The following MMP11 variants were observed in gnomAD, a reference collection of about 807,000 sequenced individuals.
MMP11 encodes stromelysin-3.
In MMP11, 26 loss-of-function variants were observed where a neutral mutation model predicts 49.5. The ratio of observed to expected loss-of-function variants is 0.52; its 90% confidence interval spans 0.38 to 0.73. The LOEUF (loss-of-function observed/expected upper bound fraction) is 0.73. Among genes scored for constraint, MMP11 ranks in the 30% least tolerant of loss-of-function variants. The pLI is 0.00. For missense variants in MMP11, 624 were observed against 671.2 expected (o/e 0.93, Z 0.78); for synonymous variants, 265 against 282.3 (o/e 0.94, Z 0.62).
rs760730678 is a variant in MMP11 at position 23,782,244 on chromosome 22, A to G, written c.1094A>G (p.Tyr365Cys). Residue 365 changes from tyrosine (Y) to cysteine (C), a missense_variant, in exon 7 of 8, where the codon TAC becomes TGC. Coordinates refer to ENST00000215743, the MANE Select transcript of MMP11 (RefSeq NM_005940.5). ...WFFQGAQYWV[Y>C]DGEKPVLGPA... is the part of the protein sequence containing the mutation. The stretch of plus-strand genomic sequence containing the variant: ...CCGGCAGGTGCTCAGTACTGGGTGT[A>G]CGACGGTGAAAAGCCAGTCCTGGGC... 6.2e-7 allele frequency: 1 copy of G among 1,613,168 alleles called. No homozygotes were observed. Among genetic ancestry groups the G allele is most frequent in the African/African-American group, 1.3e-5 (1 of 74,854 alleles).
In MMP11 at chr22:23,781,947, C is replaced by CTGTGA. The variant is rs1457586554; in HGVS notation, c.1076-279_1076-278insTGTGA. On this transcript the variant is annotated intron_variant, in intron 6 of 7. Transcript: ENST00000215743. ...AGTGGTCAGTAGGCATTTGTCACAG[C>CTGTGA]CAAATGCCAGTGGAAGGAGCAGCCG... 19 of 675,186 alleles carry CTGTGA rather than the reference C, an allele frequency of 2.8e-5. No homozygotes were observed. The African/African-American group carries it at 3.2e-4, about 11-fold the overall frequency. The allele number at this position is 675,186 out of a possible 1,614,324, so 41.8% of individuals were successfully genotyped here.
At chr22:23,777,558 C>T (rs5996611) in intron 1 of MMP11, 4 of 122,238 alleles carry the variant, frequency 3.3e-5, no homozygotes, top group African/African-American at 1.3e-4. Flanking sequence ...TAGAGCGAGA[C>T]TCTCTCTCAA....
intron 1 of MMP11, among the ~76,000 whole-genome samples, chr22:23,777,115 C>G (rs1217309435): frequency 7.2e-6 from 1 of 139,420 alleles, no homozygotes; most frequent in Non-Finnish European, 1.6e-5. Flanking sequence ...CCAACCAGTG[C>G]TAAGTACTTA....
intron 2 of MMP11, 57 bp downstream of exon 2, chr22:23,779,473 G>C (rs1345200371): frequency 6.9e-7 from 1 of 1,449,090 alleles, no homozygotes; most frequent in Non-Finnish European, 9.5e-7. Flanking sequence ...GGGTAAGCCA[G>C]CTGCCCTCAC....
Position 23,772,959 on chromosome 22 carries a change from T to C in MMP11, c.89T>C (p.Leu30Pro). ...CTGCTGCTCCAGCCGCCGCCGCTGC[T>C]GGCCCGGGCTCTGCCGCCGGTGAGT... ...LLLLLQPPPL[L>P]ARALPPDAHH... Residue 30 changes from leucine (L) to proline (P), a missense_variant, in exon 1 of 8, where the codon CTG becomes CCG. Physicochemically the swap from Leu to Pro is moderately conservative, Grantham distance 98. Coordinates refer to ENST00000215743, the MANE Select transcript of MMP11 (RefSeq NM_005940.5). 1 of 1,210,554 alleles carries C rather than the reference T, an allele frequency of 8.3e-7. No homozygotes were observed. Among genetic ancestry groups the C allele is most frequent in the South Asian group, 3.1e-5 (1 of 31,946 alleles). 75.0% of individuals were successfully genotyped at this position (1,210,554 alleles called of 1,614,324 possible). A position where few individuals can be genotyped will look rare whatever the true frequency, so the allele number is the denominator to read the frequency against.
chr22:23,780,758 T>A lies in MMP11; in HGVS notation c.616+43T>A. On this transcript the variant is annotated intron_variant, in intron 4 of 7. Coordinates refer to ENST00000215743, the MANE Select transcript of MMP11 (RefSeq NM_005940.5). The surrounding 1 kb of genome is among the most constrained non-coding windows in gnomAD (Gnocchi z 4.6). ...ATTTTCCAGATGGGGCAACCGAAGA[T>A]CATAAAGAATGGGGACTCGCCAAGG... is the stretch of plus-strand genomic sequence containing the variant. 6.4e-7 allele frequency: 1 copy of A among 1,552,048 alleles called. No homozygotes were observed. The highest frequency in any genetic ancestry group is 8.7e-7 in the Non-Finnish European group (1 of 1,150,522).
At position 23,781,355 on chromosome 22, in the gene MMP11, A is replaced by G. The variant is rs1927626897; in HGVS notation, c.1021A>G (p.Ser341Gly). ...LASRHWQGLP[S>G]PVDAAFEDAQ... ...CTCTCGCCACTGGCAGGGACTGCCC[A>G]GCCCTGTGGACGCTGCCTTCGAGGA... is the stretch of plus-strand genomic sequence containing the variant. Residue 341 changes from serine to glycine, a missense_variant, in exon 6 of 8, where the codon AGC (serine) becomes GGC (glycine). By Grantham distance (56) the Ser-to-Gly change is moderately conservative (BLOSUM62 0). Transcript: ENST00000215743. 1.2e-6 allele frequency: 2 copies of G among 1,613,420 alleles called. No individual in the cohort carries two copies. Among genetic ancestry groups the G allele is most frequent in the Non-Finnish European group, 1.7e-6 (2 of 1,179,822 alleles).
In MMP11 at chr22:23,781,072, T is replaced by A. The variant is rs549517440; in HGVS notation, c.830T>A (p.Ile277Lys). The A allele has an allele frequency of 4.3e-6, 7 of 1,609,484 alleles. No homozygotes were observed. In the South Asian group the frequency reaches 5.5e-5, roughly 13 times the overall value. ...RTPALGPQAG[I>K]DTNEIAPLEP... ...CCAGCCCTGGGCCCCCAGGCTGGGA[T>A]AGACACCAATGAGATTGCACCGCTG... Residue 277 changes from isoleucine to lysine, a missense_variant, in exon 5 of 8, where the codon ATA (isoleucine) becomes AAA (lysine). Transcript: ENST00000215743.
intron 7 of MMP11, among the ~76,000 whole-genome samples, chr22:23,782,961 C>T (rs2145944466): frequency 6.6e-6 from 1 of 152,300 alleles, no homozygotes; most frequent in East Asian, 1.9e-4. Context: ...GTCCAGTGCT[C>T]CCTCCCCTGC....
chr22:23,775,171 A>G (rs1281440801), intron 1 of MMP11, among the ~76,000 whole-genome samples: 4 of 152,248 alleles, frequency 2.6e-5, no homozygotes, highest in Non-Finnish European at 5.9e-5. Flanking sequence ...GGTGGGAGGC[A>G]TGAGCCCCAG....
At position 23,780,970 on chromosome 22, in the gene MMP11, T is replaced by C. The variant is rs1325386834; in HGVS notation, c.728T>C (p.Leu243Pro). Residue 243 changes from leucine (L) to proline (P), a missense_variant, in exon 5 of 8, where the codon CTG (leucine) becomes CCG (proline). Coordinates refer to ENST00000215743, the MANE Select transcript of MMP11 (RefSeq NM_005940.5). The surrounding 1 kb of genome is among the most constrained non-coding windows in gnomAD (Gnocchi z 4.6). ...MSAFYTFRYP[L>P]SLSPDDCRGV... ...GCCTTCTACACCTTTCGCTACCCAC[T>C]GAGTCTCAGCCCAGATGACTGCAGG... 4.3e-6 allele frequency: 7 copies of C among 1,613,640 alleles called. No homozygotes were observed. In the Admixed American group the frequency reaches 1.2e-4, roughly 27 times the overall value.
rs1927720432 is a variant in MMP11 at position 23,783,482 on chromosome 22, T to C, written c.1405T>C (p.Phe469Leu). 1 of 1,614,214 alleles carries C rather than the reference T, an allele frequency of 6.2e-7. No homozygotes were observed. Among genetic ancestry groups the C allele is most frequent in the East Asian group, 2.2e-5 (1 of 44,880 alleles). The change falls in exon 8 of 8, where the codon TTC becomes CTC. Residue 469 changes from phenylalanine (F) to leucine (L), a missense_variant. Coordinates refer to ENST00000215743, the MANE Select transcript of MMP11 (RefSeq NM_005940.5). The part of the protein sequence containing the change: ...DPVKVKALEG[F>L]PRLVGPDFFG... ...TGTGAAGGTGAAGGCTCTGGAAGGC[T>C]TCCCCCGTCTCGTGGGTCCTGACTT...
In MMP11 at chr22:23,780,976, T is replaced by A. The variant is rs1927600947; in HGVS notation, c.734T>A (p.Leu245His). Reference sequence around the variant, plus strand: ...TACACCTTTCGCTACCCACTGAGTCTCAGCCCAGATGACTGCAGGGGCGTT... The same window carrying A: ...TACACCTTTCGCTACCCACTGAGTCACAGCCCAGATGACTGCAGGGGCGTT... Reference protein sequence around the residue: ...AFYTFRYPLSLSPDDCRGVQH... With the variant: ...AFYTFRYPLSHSPDDCRGVQH... The change falls in exon 5 of 8, where the codon CTC becomes CAC. Residue 245 changes from leucine to histidine, a missense_variant. Coordinates refer to ENST00000215743, the MANE Select transcript of MMP11 (RefSeq NM_005940.5). The surrounding 1 kb of genome is among the most constrained non-coding windows in gnomAD (Gnocchi z 4.6). The A allele has an allele frequency of 6.2e-7, 1 of 1,613,624 alleles. No homozygotes were observed. The highest frequency in any genetic ancestry group is 8.5e-7 in the Non-Finnish European group (1 of 1,180,026).
At chr22:23,779,440 T>G (rs1213004348) in intron 2 of MMP11, 24 bp downstream of exon 2, 2 of 1,579,680 alleles carry the variant, frequency 1.3e-6, no homozygotes, top group African/African-American at 2.7e-5. Context: ...AGCAGGACAC[T>G]AGGATGCCAC....
chr22:23,773,138 A>T (rs1453254259), intron 1 of MMP11, among the ~76,000 whole-genome samples, 160 bp downstream of exon 1: 1 of 152,068 alleles, frequency 6.6e-6, no homozygotes, highest in Non-Finnish European at 1.5e-5. Flanking sequence ...ATAGACAGCG[A>T]GCTTGCAGTC....
chr22:23,775,729 A>G (rs2267029), intron 1 of MMP11, among the ~76,000 whole-genome samples: 139,832 of 152,302 alleles, frequency 0.92, 64,347 homozygotes, highest in Middle Eastern at 0.97. Flanking sequence ...TTCTAGCTGC[A>G]ACTTCTGTTT....
In MMP11 at chr22:23,780,701, T is replaced by G; in HGVS notation, c.602T>G (p.Ile201Ser). The G allele has an allele frequency of 6.4e-7, 1 of 1,554,866 alleles. No individual in the cohort carries two copies. The highest frequency in any genetic ancestry group is 1.2e-5 in the South Asian group (1 of 82,344). Residue 201 changes from isoleucine to serine, a missense_variant, in exon 4 of 8, where the codon ATC (isoleucine) becomes AGC (serine). Physicochemically the swap from Ile to Ser is moderately radical, Grantham distance 142. Coordinates refer to ENST00000215743, the MANE Select transcript of MMP11 (RefSeq NM_005940.5). The surrounding 1 kb of genome is among the most constrained non-coding windows in gnomAD (Gnocchi z 4.6). ...VHFDYDETWT[I>S]GDDQGTDLLQ... ...TTCGACTATGATGAGACCTGGACTA[T>G]CGGGGATGACCAGGGTATGGGCTGG...
At chr22:23,781,833 A>G (rs1927644361) in intron 6 of MMP11, 1 of 588,614 alleles carries the variant, frequency 1.7e-6, no homozygotes. Context: ...AGCCTGGAGC[A>G]TTGCAGATGC....
chr22:23,776,155 G>A (rs1384381046), intron 1 of MMP11, among the ~76,000 whole-genome samples: 3 of 152,168 alleles, frequency 2.0e-5, no homozygotes, highest in East Asian at 1.9e-4. Flanking sequence ...GGGCATGCCC[G>A]TGGCTCTCCC....
Sources: gnomAD v4.1 joint callset for allele counts (sites outside exome capture counted in the v4.1 genomes callset) on GRCh38, gnomAD v4.1.1 for gene constraint, Gnocchi (gnomAD v3.1) non-coding constraint, MANE v1.5 for transcripts, NCBI Gene and HGNC (gene_info 2026-07-23, HGNC 2026-07-21) for gene names.